The following LRRK2 variants were observed in gnomAD, a reference collection of about 807,000 sequenced individuals.
LRRK2 encodes leucine rich repeat kinase 2.
Under a neutral mutation model 302.6 loss-of-function variants are expected in LRRK2, and 203 were observed. The observed-to-expected ratio is 0.67, with a 90% CI of 0.60 to 0.75. LRRK2 has a LOEUF of 0.75. Among genes scored for constraint, LRRK2 ranks in the 30% least tolerant of loss-of-function variants. The pLI is 0.00. For missense variants in LRRK2, 2,830 were observed against 2,951.0 expected (o/e 0.96, Z 0.95); for synonymous variants, 1,066 against 1,031.9 (o/e 1.03, Z -0.63).
intron 39 of LRRK2, among the ~76,000 whole-genome samples, chr12:40,334,181 G>C (rs1945800226): frequency 6.6e-6 from 1 of 152,180 alleles, no homozygotes; most frequent in African/African-American, 2.4e-5. Context: ...GAGAATCCTG[G>C]GCTGAGAAGG....
At chr12:40,359,822 C>G (rs1410006956) in intron 47 of LRRK2, among the ~76,000 whole-genome samples, 1 of 152,070 alleles carries the variant, frequency 6.6e-6, no homozygotes, top group Non-Finnish European at 1.5e-5. Context: ...TGGGTAACTT[C>G]CATTAAGTAT....
rs1182882370 is a variant in LRRK2 at position 40,304,124 on chromosome 12, A to G, written c.3767A>G (p.Lys1256Arg). The G allele has an allele frequency of 1.2e-6, 2 of 1,612,762 alleles. No individual in the cohort carries two copies. Among genetic ancestry groups the G allele is most frequent in the Non-Finnish European group, 1.7e-6 (2 of 1,179,348 alleles). The change falls in exon 27 of 51, where the codon AAA becomes AGA. Residue 1256 changes from lysine to arginine, a missense_variant. By Grantham distance (26) the Lys-to-Arg change is conservative. This residue lies in a region of LRRK2 where 2,121 missense variants were observed against 2,148.0 expected (regional missense o/e 0.99). Transcript: ENST00000298910. ...RVEKLHLSHN[K>R]LKEIPPEIGC... ...GAGAAACTGCATCTTTCTCACAATA[A>G]ACTGAAAGAGGTAAGACGATTATTG...
chr12:40,345,063 G>A (rs1323006822), intron 41 of LRRK2, among the ~76,000 whole-genome samples: 1 of 152,046 alleles, frequency 6.6e-6, no homozygotes, highest in African/African-American at 2.4e-5. Flanking sequence ...CTGTCAAATA[G>A]AACTGTTTCC....
chr12:40,366,414 T>A (rs1273051839), intron 49 of LRRK2: 2 of 152,096 alleles, frequency 1.3e-5, no homozygotes, highest in Admixed American at 6.6e-5. Flanking sequence ...GTCATATTTT[T>A]TTTTCATTAA....
chr12:40,345,116 C>G (rs1000232603), intron 41 of LRRK2, among the ~76,000 whole-genome samples: 2 of 151,898 alleles, frequency 1.3e-5, no homozygotes, highest in African/African-American at 4.8e-5. Context: ...ATTCATACTT[C>G]GTTATATTTT....
rs137979774 is a variant in LRRK2 at position 40,234,767 on chromosome 12, C to G, written c.348-859C>G. Among the ~76,000 whole-genome samples the G allele has an allele frequency of 3.0e-3, 458 of 152,182 alleles. 4 individuals are homozygous for G. Among genetic ancestry groups the G allele is most frequent in the African/African-American group, 0.01 (417 of 41,528 alleles). Reference sequence around the variant, plus strand: ...CAAATGAATTCTTAATTTATATACACAAACTAACATCTTTATTATATCTCT... The same window carrying G: ...CAAATGAATTCTTAATTTATATACAGAAACTAACATCTTTATTATATCTCT... On this transcript the variant is annotated intron_variant, in intron 3 of 50. Transcript: ENST00000298910.
intron 21 of LRRK2, 112 bp downstream of exon 21, chr12:40,293,775 T>A: frequency 1.4e-6 from 1 of 716,536 alleles, no homozygotes; most frequent in Non-Finnish European, 2.5e-6. Context: ...CCCTGATGTA[T>A]GAAAACTATA....
intron 39 of LRRK2, among the ~76,000 whole-genome samples, chr12:40,333,277 G>A (rs1674539260): frequency 6.6e-6 from 1 of 152,072 alleles, no homozygotes; most frequent in South Asian, 2.1e-4. Context: ...CCCTCTCAGG[G>A]TGTTCAGCCT....
Position 40,359,361 on chromosome 12 carries a change from G to A in LRRK2, c.6945G>A (p.Met2315Ile), listed in dbSNP as rs1592341537. The A allele has an allele frequency of 1.2e-6, 2 of 1,613,314 alleles. No homozygotes were observed. Among genetic ancestry groups the A allele is most frequent in the Non-Finnish European group, 1.7e-6 (2 of 1,179,572 alleles). The change falls in exon 47 of 51, where the codon ATG becomes ATA. Residue 2315 changes from methionine to isoleucine, a missense_variant. Around this residue, in one of 3 missense-constraint regions of LRRK2, gnomAD observed 456 missense variants for 456.3 expected, o/e 1.00. Coordinates refer to ENST00000298910, the MANE Select transcript of LRRK2 (RefSeq NM_198578.4). The stretch of plus-strand genomic sequence containing the variant: ...CAAATTCAACGGAAAGAAATGTAAT[G>A]TGGGGAGGATGTGGCACAAAGATTT... ...ESTNSTERNV[M>I]WGGCGTKIFS...
rs17491361 is a variant in LRRK2, at chr12:40,328,185, T to C, written c.5657-175T>C. 1.2e-3 allele frequency among the ~76,000 whole-genome samples: 190 copies of C among 152,362 alleles called. 1 individual carries two copies. The highest frequency in any genetic ancestry group is 4.3e-3 in the African/African-American group (177 of 41,592). On this transcript the variant is annotated intron_variant, in intron 38 of 50. Coordinates refer to ENST00000298910, the MANE Select transcript of LRRK2 (RefSeq NM_198578.4). ...AGGTTAAGGACAAAATCTTTACATA[T>C]ATCTTTCTTGGAGTAGAAGGAAGAG...
At chr12:40,230,758 CT>C (rs1447762008) in intron 2 of LRRK2, among the ~76,000 whole-genome samples, 1 of 149,234 alleles carries the variant, frequency 6.7e-6, no homozygotes, top group Non-Finnish European at 1.5e-5. Context: ...AGGGAGGAGT[CT>C]ACAGTAGGAA....
Position 40,225,614 on chromosome 12 carries a change from T to C in LRRK2, c.211T>C (p.Tyr71His). ...HVPLLIVLDS[Y>H]MRVASVQQVG... Reference sequence around the variant, plus strand: ...GCCTCTGTTGATCGTCTTGGACTCCTATATGAGAGTCGCGAGTGTGCAGCA... The same window carrying C: ...GCCTCTGTTGATCGTCTTGGACTCCCATATGAGAGTCGCGAGTGTGCAGCA... Residue 71 changes from tyrosine (Y) to histidine (H), a missense_variant, in exon 2 of 51, where the codon TAT (tyrosine) becomes CAT (histidine). Physicochemically the swap from Tyr to His is moderately conservative, Grantham distance 83. Transcript: ENST00000298910. 1 of 1,614,064 alleles carries C rather than the reference T, an allele frequency of 6.2e-7. No homozygotes were observed. The highest frequency in any genetic ancestry group is 8.5e-7 in the Non-Finnish European group (1 of 1,179,940).
At chr12:40,280,227 G>T (rs1035552268) in intron 18 of LRRK2, among the ~76,000 whole-genome samples, 1 of 152,070 alleles carries the variant, frequency 6.6e-6, no homozygotes, top group Non-Finnish European at 1.5e-5. Context: ...GAGGTGGGAG[G>T]ATCACTTGAG....
At chr12:40,362,585 AG>A (rs1173607374) in intron 47 of LRRK2, among the ~76,000 whole-genome samples, 1 of 152,062 alleles carries the variant, frequency 6.6e-6, no homozygotes, top group Non-Finnish European at 1.5e-5. Context: ...ATATTTAATA[AG>A]GTCTATAATA....
At chr12:40,298,644 C>T in intron 24 of LRRK2, 151 bp downstream of exon 24, 1 of 964,724 alleles carries the variant, frequency 1.0e-6, no homozygotes, top group Non-Finnish European at 1.5e-6. Context: ...TGGTGGTGCG[C>T]ACCTTATAAT....
At position 40,278,177 on chromosome 12, in the gene LRRK2, G is replaced by A; in HGVS notation, c.2157G>A (p.Gln719=). The A allele has an allele frequency of 6.2e-7, 1 of 1,614,078 alleles. No homozygotes were observed. Among genetic ancestry groups the A allele is most frequent in the Non-Finnish European group, 8.5e-7 (1 of 1,179,980 alleles). The change falls in exon 18 of 51, where the codon CAG becomes CAA. Residue 719 remains glutamine (Q), a synonymous_variant. Transcript: ENST00000298910. ...KNVMLERACD[Q]NNSIMVECLL... ...TGATGCTAGAGAGAGCGTGTGATCAGAATAACAGCATCATGGTTGAATGCT... is the reference window on the plus strand; with the variant it reads ...TGATGCTAGAGAGAGCGTGTGATCAAAATAACAGCATCATGGTTGAATGCT...
At chr12:40,259,173 T>A (rs1184022874) in intron 12 of LRRK2, among the ~76,000 whole-genome samples, 1 of 152,132 alleles carries the variant, frequency 6.6e-6, no homozygotes, top group Admixed American at 6.5e-5. Context: ...AAGTTCTTCA[T>A]GTAGAAAATG....
intron 22 of LRRK2, 65 bp from the exon 23 acceptor site, chr12:40,295,362 A>T: frequency 6.7e-7 from 1 of 1,502,476 alleles, no homozygotes; most frequent in Non-Finnish European, 9.1e-7. Context: ...TGCTCACTAA[A>T]CTTTTACTAC....
rs1049224358 is a variant in LRRK2, at chr12:40,248,332, C to T, written c.839-1494C>T. The stretch of plus-strand genomic sequence containing the variant: ...TACTTGACTGCCAAATTGTCTAGAA[C>T]AGCACATTAAAGTTGCTTGATTTTA... On this transcript the variant is annotated intron_variant, in intron 7 of 50. Transcript: ENST00000298910. Among the ~76,000 whole-genome samples, 4 of 152,132 alleles carry T rather than the reference C, an allele frequency of 2.6e-5. No homozygotes were observed. The South Asian group carries it at 6.2e-4, about 24-fold the overall frequency.
Sources: gnomAD v4.1 joint callset for allele counts (sites outside exome capture counted in the v4.1 genomes callset) on GRCh38, gnomAD v4.1.1 for gene constraint, gnomAD v4.1.1 regional missense constraint, MANE v1.5 for transcripts, NCBI Gene and HGNC (gene_info 2026-07-23, HGNC 2026-07-21) for gene names.